The following THSD7A variants were observed in gnomAD, a reference collection of about 807,000 sequenced individuals.
The protein encoded by THSD7A is thrombospondin type 1 domain containing 7A.
A neutral mutation model predicts 231.3 loss-of-function variants in THSD7A; 96 were observed. That is an observed-to-expected ratio of 0.41 (90% CI 0.35 to 0.49). The LOEUF is 0.49. Ranked by LOEUF, THSD7A falls within the 20% of genes least tolerant of loss-of-function variation. The probability of loss-of-function intolerance (pLI) is 0.05; values close to 1 mark genes in which losing one functional copy is unlikely to be tolerated. For synonymous variants in THSD7A, 940 were observed against 743.3 expected (o/e 1.26, Z -4.30); for missense variants, 2,290 against 2,070.2 (o/e 1.11, Z -2.06).
chr7:11,436,047 A>G (rs1784623114), intron 13 of THSD7A, among the ~76,000 whole-genome samples: 1 of 152,124 alleles, frequency 6.6e-6, no homozygotes. Context: ...CAACCATAAT[A>G]ACAAACCTTG....
intron 2 of THSD7A, among the ~76,000 whole-genome samples, chr7:11,605,941 T>A (rs1780720554): frequency 6.6e-6 from 1 of 152,122 alleles, no homozygotes; most frequent in African/African-American, 2.4e-5. Flanking sequence ...CCAGAACATG[T>A]AATTGTTGGA....
intron 14 of THSD7A, among the ~76,000 whole-genome samples, chr7:11,427,623 G>A (rs1360090790): frequency 1.3e-5 from 2 of 152,102 alleles, no homozygotes; most frequent in African/African-American, 4.8e-5. Context: ...GTATGAGTAT[G>A]TGTAGAATTT....
chr7:11,520,318 G>A (rs943489485), intron 6 of THSD7A: 6 of 152,126 alleles, frequency 3.9e-5, no homozygotes, highest in Non-Finnish European at 7.4e-5. Flanking sequence ...TTGGAGGGCT[G>A]TTACAAAAAT....
chr7:11,723,434 C>T (rs913705751), intron 1 of THSD7A, among the ~76,000 whole-genome samples: 4 of 151,376 alleles, frequency 2.6e-5, no homozygotes, highest in East Asian at 3.9e-4. Context: ...ATGTAACAAA[C>T]CTGCACACTG....
intron 13 of THSD7A, among the ~76,000 whole-genome samples, chr7:11,436,209 G>A (rs1226635866): frequency 6.6e-6 from 1 of 151,996 alleles, no homozygotes; most frequent in Non-Finnish European, 1.5e-5. Flanking sequence ...ATATTTGATG[G>A]AGTGTTCAAA....
chr7:11,638,825 T>C lies in THSD7A; in HGVS notation c.191-1864A>G, dbSNP rs190008576. Among the ~76,000 whole-genome samples, 185 of 152,240 alleles carry C rather than the reference T, an allele frequency of 1.2e-3. 1 individual carries two copies. Among genetic ancestry groups the C allele is most frequent in the African/African-American group, 4.3e-3 (177 of 41,562 alleles). On this transcript the variant is annotated intron_variant, in intron 1 of 27. Transcript: ENST00000423059. ...TCAAAATGCAATCCACCTAATAATA[T>C]TTTAATCTTATTTTTAACTTGCCAA...
At chr7:11,379,856 G>T in intron 24 of THSD7A, 144 bp from the exon 25 acceptor site, 1 of 894,826 alleles carries the variant, frequency 1.1e-6, no homozygotes, top group Non-Finnish European at 1.7e-6. Flanking sequence ...TGAAATATTT[G>T]GTTAACCTTG....
intron 9 of THSD7A, among the ~76,000 whole-genome samples, chr7:11,467,479 A>G (rs1182119107): frequency 1.3e-5 from 2 of 151,990 alleles, no homozygotes; most frequent in African/African-American, 4.8e-5. Context: ...AAAAATCAAT[A>G]AATAAGTAAT....
chr7:11,487,071 A>G (rs1298051414), intron 6 of THSD7A, among the ~76,000 whole-genome samples: 1 of 152,194 alleles, frequency 6.6e-6, no homozygotes, highest in African/African-American at 2.4e-5. Context: ...TTTTAAGAAA[A>G]TGTTTTCATA....
intron 1 of THSD7A, among the ~76,000 whole-genome samples, chr7:11,768,480 G>A (rs1285607130): frequency 1.3e-5 from 2 of 152,144 alleles, no homozygotes; most frequent in East Asian, 3.9e-4. Context: ...GAGGTTGAAA[G>A]TCATGAGACT....
In THSD7A at chr7:11,404,161, TATTAG is replaced by T. The variant is rs1285500093; in HGVS notation, c.4237+2134_4237+2138del. Among the ~76,000 whole-genome samples, 7 of 152,332 alleles carry T rather than the reference TATTAG, an allele frequency of 4.6e-5. No homozygotes were observed. The East Asian group carries it at 1.2e-3, about 25-fold the overall frequency. On this transcript the variant is annotated intron_variant, in intron 22 of 27. Transcript: ENST00000423059. ...CTTATATATTATATATTATTGTCAC[TATTAG>T]ATTAGCAATTGTTCTTTCCATTAGA...
intron 1 of THSD7A, among the ~76,000 whole-genome samples, chr7:11,790,562 G>A (rs980335124): frequency 2.3e-4 from 35 of 151,990 alleles, no homozygotes; most frequent in African/African-American, 8.2e-4. Flanking sequence ...TGAAAACTAC[G>A]TTAAAAAGAT....
At chr7:11,733,027 A>T (rs1478144814) in intron 1 of THSD7A, among the ~76,000 whole-genome samples, 1 of 151,856 alleles carries the variant, frequency 6.6e-6, no homozygotes, top group Non-Finnish European at 1.5e-5. Context: ...TGTAACTAAC[A>T]TACTAGTATG....
At chr7:11,673,435 C>T (rs1783487174) in intron 1 of THSD7A, among the ~76,000 whole-genome samples, 1 of 152,180 alleles carries the variant, frequency 6.6e-6, no homozygotes, top group Non-Finnish European at 1.5e-5. Flanking sequence ...CTCCATCTTG[C>T]ACAGAGTGGT....
chr7:11,639,501 G>A lies in THSD7A; in HGVS notation c.191-2540C>T, dbSNP rs191387611. Among the ~76,000 whole-genome samples, 435 of 151,854 alleles carry A rather than the reference G, an allele frequency of 2.9e-3. 1 individual carries two copies. Among genetic ancestry groups the A allele is most frequent in the African/African-American group, 9.1e-3 (375 of 41,422 alleles). ...TGACTAACACAGTGAAACCCTGTCT[G>A]TACTAAAAATACAAAAAATTAGCCA... On this transcript the variant is annotated intron_variant, in intron 1 of 27. Coordinates refer to ENST00000423059, the MANE Select transcript of THSD7A (RefSeq NM_015204.3).
chr7:11,573,509 A>T (rs12699242), intron 4 of THSD7A, among the ~76,000 whole-genome samples: 41,547 of 152,170 alleles, frequency 0.27, 5,675 homozygotes, highest in African/African-American at 0.3. Flanking sequence ...TTTGAAGCTC[A>T]GTTCACAACT....
chr7:11,706,871 T>A (rs188836693), intron 1 of THSD7A, among the ~76,000 whole-genome samples: 1 of 150,752 alleles, frequency 6.6e-6, no homozygotes, highest in African/African-American at 2.4e-5. Context: ...CTTGTCATTA[T>A]CTGAACTCTG....
chr7:11,470,022 C>G, intron 8 of THSD7A, 28 bp from the exon 9 acceptor site: 2 of 1,422,530 alleles, frequency 1.4e-6, no homozygotes, highest in South Asian at 2.5e-5. Context: ...AATTATTAGG[C>G]TTCAATAGTA....
At chr7:11,543,817 G>C (rs937875657) in intron 4 of THSD7A, among the ~76,000 whole-genome samples, 9 of 151,370 alleles carry the variant, frequency 5.9e-5, no homozygotes, top group Non-Finnish European at 1.2e-4. Context: ...TTGTTTTTTT[G>C]TTTTTTTTAT....
Sources: gnomAD v4.1 joint callset for allele counts (sites outside exome capture counted in the v4.1 genomes callset) on GRCh38, gnomAD v4.1.1 for gene constraint, MANE v1.5 for transcripts, NCBI Gene and HGNC (gene_info 2026-07-23, HGNC 2026-07-21) for gene names.